Variants in ZNF726 observed in about 807,000 individuals in gnomAD.
The protein encoded by ZNF726 is zinc finger protein 92 pseudogene 3.
ZNF726 carries 15 observed loss-of-function variants against 11.6 expected under a neutral mutation model. That is an observed-to-expected ratio of 1.29 (90% CI 0.86 to 1.99). The LOEUF (loss-of-function observed/expected upper bound fraction) is 1.99. Among genes scored for constraint, ZNF726 ranks in the 30% most tolerant of loss-of-function variants. The pLI is 0.00. For missense variants in ZNF726, 890 were observed against 725.6 expected (o/e 1.23, Z -2.60); for synonymous variants, 295 against 243.6 (o/e 1.21, Z -1.96).
Position 23,934,226 on chromosome 19 carries a change from A to C in ZNF726, c.*259A>C. 6.7e-5 allele frequency: 45 copies of C among 670,004 alleles called. No homozygotes were observed. The highest frequency in any genetic ancestry group is 2.6e-4 in the Middle Eastern group (1 of 3,908). The allele number at this position is 670,004 out of a possible 1,614,324, so 41.5% of individuals were successfully genotyped here. A position where few individuals can be genotyped will look rare whatever the true frequency, so the allele number is the denominator to read the frequency against. Reference sequence around the variant, plus strand: ...TTCATACTGGAAATAAACCCTACAAATGTGAAAAATGTGGCAAAGCATATG... The same window carrying C: ...TTCATACTGGAAATAAACCCTACAACTGTGAAAAATGTGGCAAAGCATATG... On this transcript the variant is annotated 3_prime_UTR_variant, in exon 4 of 4. Transcript: ENST00000594466.
chr19:23,935,425 C>A (rs779861997), downstream of ZNF726: 4 of 521,238 alleles, frequency 7.7e-6, no homozygotes, highest in African/African-American at 5.8e-5. Flanking sequence ...TCACATCTTA[C>A]TACAGATAAG....
chr19:23,933,675 T>A lies in ZNF726; in HGVS notation c.1559T>A (p.Leu520Ter). ...KCEECGKAFI[L>*]SSTLSKHKRI... ...GAAGAATGTGGCAAAGCATTTATAT[T>A]GTCCTCGACCCTATCTAAACATAAG... Residue 520 changes from leucine to a stop codon, truncating the protein, a stop_gained, in exon 4 of 4, where the codon TTG becomes TAG. Transcript: ENST00000594466. LOFTEE classifies it low-confidence loss of function (END_TRUNC). The A allele has an allele frequency of 1.9e-6, 3 of 1,605,778 alleles. No homozygotes were observed. Among genetic ancestry groups the A allele is most frequent in the Non-Finnish European group, 2.5e-6 (3 of 1,177,872 alleles).
At chr19:23,942,660 G>A (rs1222119010) in intron 3 of ZNF726, among the ~76,000 whole-genome samples, 3 of 152,158 alleles carry the variant, frequency 2.0e-5, no homozygotes, top group African/African-American at 4.8e-5. Flanking sequence ...GTGCATATAT[G>A]TTTAGGATTG....
chr19:23,926,802 C>A (rs1366019172), intron 3 of ZNF726, among the ~76,000 whole-genome samples: 2 of 152,000 alleles, frequency 1.3e-5, no homozygotes, highest in African/African-American at 2.4e-5. Flanking sequence ...TCTTTCATCT[C>A]TTTATCTGTC....
chr19:23,915,101 A>G lies in ZNF726; in HGVS notation c.3+104A>G, dbSNP rs1052774915. On this transcript the variant is annotated intron_variant, in intron 1 of 3. Coordinates refer to ENST00000594466, the MANE Select transcript of ZNF726 (RefSeq NM_001244038.2). ...CAGGCCTCCTCGCTGTCAGTTTTAC[A>G]ATCTGCGCCCGAGTTGTTGCCCAGC... The G allele has an allele frequency of 1.3e-5, 21 of 1,560,218 alleles. No homozygotes were observed. In the Admixed American group the frequency reaches 2.5e-4, roughly 19 times the overall value.
downstream of ZNF726, among the ~76,000 whole-genome samples, chr19:23,937,593 C>CG (rs375109820): frequency 0.06 from 9,043 of 150,580 alleles, 349 homozygotes; most frequent in South Asian, 0.078. Flanking sequence ...GGATGGCGGC[C>CG]GGGAAGAGGC....
chr19:23,932,615 C>T lies in ZNF726; in HGVS notation c.499C>T (p.His167Tyr). The T allele has an allele frequency of 6.5e-7, 1 of 1,541,810 alleles. No homozygotes were observed. The highest frequency in any genetic ancestry group is 1.2e-5 in the South Asian group (1 of 82,338). The change falls in exon 4 of 4, where the codon CAT becomes TAT. Residue 167 changes from histidine to tyrosine, a missense_variant. Transcript: ENST00000594466. ...FINLNRYKIRHTRKKPFKCKN... is the reference protein window; with the variant it reads ...FINLNRYKIRYTRKKPFKCKN... ...AAATTTAAACAGATATAAGATAAGA[C>T]ATACTAGAAAGAAACCTTTCAAATG... is the stretch of plus-strand genomic sequence containing the variant.
At chr19:23,940,018 CTT>C (rs1055290894) in intron 3 of ZNF726, among the ~76,000 whole-genome samples, 3 of 151,968 alleles carry the variant, frequency 2.0e-5, no homozygotes, top group African/African-American at 7.3e-5. Flanking sequence ...TGCAAAACCT[CTT>C]TAGTTTAATT....
At chr19:23,931,876 A>G (rs1054576903) in intron 3 of ZNF726, among the ~76,000 whole-genome samples, 1 of 152,196 alleles carries the variant, frequency 6.6e-6, no homozygotes, top group African/African-American at 2.4e-5. Context: ...ATTCCGAAGT[A>G]TACCACCATT....
intron 3 of ZNF726, among the ~76,000 whole-genome samples, chr19:23,941,525 A>G (rs1016947856): frequency 6.6e-6 from 1 of 152,146 alleles, no homozygotes; most frequent in East Asian, 1.9e-4. Context: ...TTCTTTCCCT[A>G]TCTTGTGGAA....
Position 23,916,620 on chromosome 19 carries a change from C to T in ZNF726, c.3+1623C>T, listed in dbSNP as rs539513802. 1.4e-4 allele frequency among the ~76,000 whole-genome samples: 21 copies of T among 152,188 alleles called. No individual in the cohort carries two copies. In the South Asian group the frequency reaches 3.7e-3, roughly 27 times the overall value. ...AGCTGGGATTACACATGTGAGCTAC[C>T]GTGCCTGGTGAATTAATTATTTTTT... On this transcript the variant is annotated intron_variant, in intron 1 of 3. Coordinates refer to ENST00000594466, the MANE Select transcript of ZNF726 (RefSeq NM_001244038.2).
At position 23,933,756 on chromosome 19, in the gene ZNF726, A is replaced by T. The variant is rs1599469813; in HGVS notation, c.1640A>T (p.Asn547Ile). The T allele has an allele frequency of 6.2e-7, 1 of 1,605,552 alleles. No individual in the cohort carries two copies. Among genetic ancestry groups the T allele is most frequent in the South Asian group, 1.1e-5 (1 of 90,944 alleles). The change falls in exon 4 of 4, where the codon AAT (asparagine) becomes ATT (isoleucine). Residue 547 changes from asparagine (N) to isoleucine (I), a missense_variant. Asn to Ile is a moderately radical substitution (Grantham distance 149, BLOSUM62 -3). Coordinates refer to ENST00000594466, the MANE Select transcript of ZNF726 (RefSeq NM_001244038.2). ...TGTGAAGAATGTGGCAAAACTTTTA[A>T]TCAATCCTCAAATCTTAGTACACAT... ...YKCEECGKTF[N>I]QSSNLSTHKI...
At chr19:23,915,274 A>C (rs889452922) in intron 1 of ZNF726, among the ~76,000 whole-genome samples, 4 of 152,082 alleles carry the variant, frequency 2.6e-5, no homozygotes, top group Non-Finnish European at 2.9e-5. Flanking sequence ...TCTCTCCCAG[A>C]TTGTGCAGGG....
chr19:23,928,596 G>T (rs1253652613), intron 3 of ZNF726: 1 of 151,994 alleles, frequency 6.6e-6, no homozygotes, highest in Non-Finnish European at 1.5e-5. Context: ...TTTGTCTCAC[G>T]TTAGCACTTG....
intron 3 of ZNF726, chr19:23,928,791 ATTTAC>A (rs1968042412): frequency 6.6e-6 from 1 of 151,776 alleles, no homozygotes; most frequent in Non-Finnish European, 1.5e-5. Flanking sequence ...AATTTCATTT[ATTTAC>A]TTGTTTATTC....
In ZNF726 at chr19:23,933,900, G is replaced by A. The variant is rs749329230; in HGVS notation, c.1784G>A (p.Cys595Tyr). ...CATACTGGAGAGAAACCTTACAAGT[G>A]TGACGAATGTGGCAAATCATTTATC... Reference protein sequence around the residue: ...IIHTGEKPYKCDECGKSFIWS... With the variant: ...IIHTGEKPYKYDECGKSFIWS... The change falls in exon 4 of 4, where the codon TGT (cysteine) becomes TAT (tyrosine). Residue 595 changes from cysteine to tyrosine, a missense_variant. Transcript: ENST00000594466. 3 of 1,588,924 alleles carry A rather than the reference G, an allele frequency of 1.9e-6. No homozygotes were observed. Among genetic ancestry groups the A allele is most frequent in the Admixed American group, 1.8e-5 (1 of 55,948 alleles).
At chr19:23,925,708 C>CT (rs1967968684) in intron 3 of ZNF726, among the ~76,000 whole-genome samples, 1 of 131,602 alleles carries the variant, frequency 7.6e-6, no homozygotes, top group African/African-American at 2.9e-5. Context: ...TTCAGTTTTT[C>CT]TTTTCTTTTT....
downstream of ZNF726, chr19:23,935,486 TAAA>T (rs1042933152): frequency 2.1e-6 from 1 of 472,092 alleles, no homozygotes; most frequent in Non-Finnish European, 4.2e-6. Flanking sequence ...ATGGAAAGCC[TAAA>T]AAAGTCCTCA....
chr19:23,915,346 G>A (rs1056278443), intron 1 of ZNF726, among the ~76,000 whole-genome samples: 1 of 152,138 alleles, frequency 6.6e-6, no homozygotes, highest in Non-Finnish European at 1.5e-5. Context: ...AATGGGAAGA[G>A]CTTTGGTCCG....
Sources: gnomAD v4.1 joint callset for allele counts (sites outside exome capture counted in the v4.1 genomes callset) on GRCh38, gnomAD v4.1.1 for gene constraint, MANE v1.5 for transcripts, NCBI Gene and HGNC (gene_info 2026-07-23, HGNC 2026-07-21) for gene names.